PCSK2: variants seen among roughly 807,000 people sequenced by gnomAD.
The protein encoded by PCSK2 is proprotein convertase subtilisin/kexin type 2, also known as neuroendocrine convertase 2.
Under a neutral mutation model 69.7 loss-of-function variants are expected in PCSK2, and 14 were observed. The observed-to-expected ratio is 0.20, with a 90% CI of 0.13 to 0.31. The LOEUF (loss-of-function observed/expected upper bound fraction) is 0.31, where lower values mean the gene tolerates loss of function less well. PCSK2 is among the 10% of genes least tolerant of loss of function. PCSK2 has a pLI of 1.00. For missense variants in PCSK2, 544 were observed against 842.5 expected, an observed-to-expected ratio of 0.65 and a Z score of 4.39; for synonymous variants, 307 against 320.7, an observed-to-expected ratio of 0.96 and a Z score of 0.46.
At chr20:17,438,447 A>C (rs1452768372) in intron 8 of PCSK2, among the ~76,000 whole-genome samples, 1 of 152,230 alleles carries the variant, frequency 6.6e-6, no homozygotes, top group Non-Finnish European at 1.5e-5. Flanking sequence ...GTCAGAAAAC[A>C]TGTGTTTTCC....
intron 5 of PCSK2, among the ~76,000 whole-genome samples, chr20:17,382,801 T>C (rs2031124808): frequency 6.6e-6 from 1 of 152,096 alleles, no homozygotes; most frequent in Non-Finnish European, 1.5e-5. Context: ...CTCTCCCCCT[T>C]CCCTGTGAGA....
intron 10 of PCSK2, among the ~76,000 whole-genome samples, chr20:17,458,139 A>T (rs941868226): frequency 3.3e-5 from 5 of 152,088 alleles, no homozygotes; most frequent in African/African-American, 1.2e-4. Context: ...AAAATATAAC[A>T]CCTGGCAGCT....
chr20:17,384,353 C>A (rs893911851), intron 5 of PCSK2, among the ~76,000 whole-genome samples: 1 of 144,960 alleles, frequency 6.9e-6, no homozygotes, highest in African/African-American at 2.6e-5. Flanking sequence ...TTTGGGAGGC[C>A]GAGGTGGGTG....
intron 1 of PCSK2, among the ~76,000 whole-genome samples, chr20:17,234,197 C>T (rs1592017): frequency 0.86 from 130,832 of 152,146 alleles, 56,469 homozygotes; most frequent in Admixed American, 0.9. Context: ...TTCCAAAGTT[C>T]TGTGAGAGCA....
intron 2 of PCSK2, among the ~76,000 whole-genome samples, chr20:17,283,246 G>T (rs1219520214): frequency 1.3e-5 from 2 of 152,160 alleles, no homozygotes; most frequent in African/African-American, 4.8e-5. Flanking sequence ...GTAGATAAAT[G>T]AATAGATAGG....
intron 1 of PCSK2, among the ~76,000 whole-genome samples, chr20:17,254,182 T>G (rs1366184038): frequency 6.6e-6 from 1 of 152,204 alleles, no homozygotes; most frequent in Non-Finnish European, 1.5e-5. Flanking sequence ...CCTTCGCTAT[T>G]TCTTTTGAAG....
Position 17,461,262 on chromosome 20 carries a change from G to C in PCSK2, c.1203-4064G>C, listed in dbSNP as rs191801594. On this transcript the variant is annotated intron_variant, in intron 10 of 11. Coordinates refer to ENST00000262545, the MANE Select transcript of PCSK2 (RefSeq NM_002594.5). ...TAGGACGTGAGCAAACAAAGGCTAT[G>C]GAGAAAATACCAGCTTGACTCACAA... Among the ~76,000 whole-genome samples the C allele has an allele frequency of 3.5e-4, 54 of 152,116 alleles. 1 individual carries two copies. In the East Asian group the frequency reaches 6.6e-3, roughly 19 times the overall value.
rs11467589 is a variant in PCSK2, at chr20:17,258,761, AGTGT to A, written c.178-1446_178-1443del. Reference sequence around the variant, plus strand: ...AGAAGAACCACTTTGCATAATATGTAGTGTGTGTGTGTGTGTGTGTGTGTGTGTG... The same window carrying A: ...AGAAGAACCACTTTGCATAATATGTAGTGTGTGTGTGTGTGTGTGTGTGTG... On this transcript the variant is annotated intron_variant, in intron 1 of 11. Coordinates refer to ENST00000262545, the MANE Select transcript of PCSK2 (RefSeq NM_002594.5). Among the ~76,000 whole-genome samples the A allele has an allele frequency of 6.3e-3, 912 of 145,084 alleles. 8 individuals are homozygous for A. Among genetic ancestry groups the A allele is most frequent in the East Asian group, 0.021 (105 of 4,922 alleles).
chr20:17,236,832 A>G (rs935437568), intron 1 of PCSK2, among the ~76,000 whole-genome samples: 2 of 152,210 alleles, frequency 1.3e-5, no homozygotes, highest in Non-Finnish European at 2.9e-5. Flanking sequence ...GAATGTGGTG[A>G]TAATATCCAC....
At chr20:17,371,276 T>A (rs555655868) in intron 5 of PCSK2, among the ~76,000 whole-genome samples, 4 of 152,204 alleles carry the variant, frequency 2.6e-5, no homozygotes, top group Non-Finnish European at 5.9e-5. Context: ...TGCTCCCAAC[T>A]CCAGCTGCCA....
At chr20:17,343,231 T>C (rs1990558224) in intron 2 of PCSK2, among the ~76,000 whole-genome samples, 2 of 152,222 alleles carry the variant, frequency 1.3e-5, no homozygotes, top group Admixed American at 1.3e-4. Flanking sequence ...GGGAGACAGA[T>C]TCATTTATTT....
intron 1 of PCSK2, among the ~76,000 whole-genome samples, chr20:17,252,654 C>A (rs79031010): frequency 1.3e-5 from 2 of 152,174 alleles, no homozygotes; most frequent in African/African-American, 2.4e-5. Flanking sequence ...TGTTCTTAAA[C>A]CACTCCACCA....
At chr20:17,474,522 C>A (rs181258328) in intron 11 of PCSK2, among the ~76,000 whole-genome samples, 29 of 152,188 alleles carry the variant, frequency 1.9e-4, no homozygotes, top group African/African-American at 6.3e-4. Context: ...TCAAATAAGA[C>A]CTTTAGCCTG....
In PCSK2 at chr20:17,335,317, C is replaced by G. The variant is rs6111511; in HGVS notation, c.283-23010C>G. 2.0e-5 allele frequency among the ~76,000 whole-genome samples: 3 copies of G among 149,718 alleles called. No individual in the cohort carries two copies. In the South Asian group the frequency reaches 6.4e-4, roughly 32 times the overall value. ...AAGCTCAGCCTCTCCAGGACCATAG[C>G]CTCAGGGGGCTCAGACTTCTTTACA... is the stretch of plus-strand genomic sequence containing the variant. On this transcript the variant is annotated intron_variant, in intron 2 of 11. Coordinates refer to ENST00000262545, the MANE Select transcript of PCSK2 (RefSeq NM_002594.5).
chr20:17,284,820 G>A (rs1390575756), intron 2 of PCSK2, among the ~76,000 whole-genome samples: 1 of 152,188 alleles, frequency 6.6e-6, no homozygotes, highest in African/African-American at 2.4e-5. Context: ...GTGGGCTGAA[G>A]CATGGAGATT....
At chr20:17,304,011 T>C (rs375735217) in intron 2 of PCSK2, among the ~76,000 whole-genome samples, 1 of 150,772 alleles carries the variant, frequency 6.6e-6, no homozygotes, top group South Asian at 2.1e-4. Context: ...CATAGCTATA[T>C]ATGGTTCTGG....
intron 1 of PCSK2, among the ~76,000 whole-genome samples, chr20:17,253,631 C>T (rs919748191): frequency 2.0e-5 from 3 of 152,002 alleles, no homozygotes; most frequent in Non-Finnish European, 4.4e-5. Context: ...TGGGTTGTTT[C>T]TAGTTTTTGA....
intron 2 of PCSK2, among the ~76,000 whole-genome samples, chr20:17,322,345 T>A (rs539933429): frequency 3.3e-5 from 5 of 152,224 alleles, no homozygotes; most frequent in South Asian, 2.1e-4. Context: ...TCAATCTTGA[T>A]AAGTAAGCTG....
rs553772754 is a variant in PCSK2, at chr20:17,254,302, C to A, written c.178-5938C>A. ...AGCCATGAAGATTTATTTATATGTT[C>A]TATTCTAAGAGTTGTACAATATTAG... On this transcript the variant is annotated intron_variant, in intron 1 of 11. Coordinates refer to ENST00000262545, the MANE Select transcript of PCSK2 (RefSeq NM_002594.5). Among the ~76,000 whole-genome samples the A allele has an allele frequency of 3.9e-5, 6 of 152,210 alleles. No homozygotes were observed. The East Asian group carries it at 7.7e-4, about 20-fold the overall frequency.
Sources: gnomAD v4.1 joint callset for allele counts (sites outside exome capture counted in the v4.1 genomes callset) on GRCh38, gnomAD v4.1.1 for gene constraint, MANE v1.5 for transcripts, NCBI Gene and HGNC (gene_info 2026-07-23, HGNC 2026-07-21) for gene names.